CADM2: variants seen among roughly 807,000 people sequenced by gnomAD.
CADM2 encodes the protein immunoglobulin superfamily member 4D.
A neutral mutation model predicts 49.8 loss-of-function variants in CADM2; 12 were observed. The observed-to-expected ratio is 0.24, with a 90% CI of 0.15 to 0.39. The LOEUF (loss-of-function observed/expected upper bound fraction) is 0.39. CADM2 is among the 10% of genes least tolerant of loss of function. CADM2 has a pLI of 1.00. For missense variants in CADM2, 378 were observed against 492.3 expected, an observed-to-expected ratio of 0.77 and a Z score of 2.20; for synonymous variants, 214 against 175.4, an observed-to-expected ratio of 1.22 and a Z score of -1.74.
chr3:85,095,425 T>C (rs182983952), intron 1 of CADM2, among the ~76,000 whole-genome samples: 14 of 152,290 alleles, frequency 9.2e-5, no homozygotes, highest in African/African-American at 3.4e-4. Context: ...AAAGAAACTA[T>C]GAAACATTCT....
At chr3:85,466,487 G>A (rs926530530) in intron 1 of CADM2, among the ~76,000 whole-genome samples, 26 of 152,256 alleles carry the variant, frequency 1.7e-4, no homozygotes, top group African/African-American at 6.3e-4. Context: ...GGAAGAATAA[G>A]GTAGTTGCCA....
At chr3:85,095,524 A>T (rs981286084) in intron 1 of CADM2, among the ~76,000 whole-genome samples, 1 of 152,154 alleles carries the variant, frequency 6.6e-6, no homozygotes, top group Non-Finnish European at 1.5e-5. Flanking sequence ...ATCCTTAAAC[A>T]AATACTTATG....
intron 1 of CADM2, among the ~76,000 whole-genome samples, chr3:85,238,023 AC>A (rs2042445775): frequency 6.6e-6 from 1 of 151,908 alleles, no homozygotes; most frequent in Non-Finnish European, 1.5e-5. Context: ...AATAACACTT[AC>A]TTGGTAGTAT....
intron 3 of CADM2, among the ~76,000 whole-genome samples, chr3:85,869,951 G>A (rs541079904): frequency 9.9e-5 from 15 of 152,230 alleles, no homozygotes; most frequent in East Asian, 3.9e-4. Context: ...GTGAGCCACC[G>A]CGCCCTGCCC....
intron 1 of CADM2, among the ~76,000 whole-genome samples, chr3:85,473,392 G>A (rs2038849544): frequency 6.6e-6 from 1 of 151,992 alleles, no homozygotes; most frequent in Non-Finnish European, 1.5e-5. Flanking sequence ...TGAGCTTGCA[G>A]CCCTGCTCTG....
intron 1 of CADM2, among the ~76,000 whole-genome samples, chr3:85,307,134 A>C (rs1434055123): frequency 6.6e-6 from 1 of 151,568 alleles, no homozygotes; most frequent in Non-Finnish European, 1.5e-5. Context: ...AAATACTTCA[A>C]ATGTATATAT....
chr3:85,541,775 T>TATATATATATATATATATATATATATA lies in CADM2; in HGVS notation c.62-184747_62-184746insATATATATATATATATATATATATATA, dbSNP rs1559897737. ...ATATTTTATATATATATTTTATATT[T>TATATATATATATATATATATATATATA]TATATATATATATATATATGTATAG... On this transcript the variant is annotated intron_variant, in intron 1 of 9. Transcript: ENST00000383699. Among the ~76,000 whole-genome samples the TATATATATATATATATATATATATATA allele has an allele frequency of 2.6e-3, 233 of 88,208 alleles. 6 individuals are homozygous for TATATATATATATATATATATATATATA. Among genetic ancestry groups the TATATATATATATATATATATATATATA allele is most frequent in the East Asian group, 0.011 (9 of 808 alleles). 57.9% of individuals were successfully genotyped at this position (88,208 alleles called of 152,430 possible).
rs112498695 is a variant in CADM2, at chr3:85,606,142, A to G, written c.62-120380A>G. Reference sequence around the variant, plus strand: ...ATAGACATTAACCTTTCTTCTTGGAACAACCTTTTTTATTATTATTAATCC... The same window carrying G: ...ATAGACATTAACCTTTCTTCTTGGAGCAACCTTTTTTATTATTATTAATCC... On this transcript the variant is annotated intron_variant, in intron 1 of 9. Coordinates refer to ENST00000383699, the MANE Select transcript of CADM2 (RefSeq NM_001167675.2). Among the ~76,000 whole-genome samples the G allele has an allele frequency of 3.9e-3, 594 of 152,242 alleles. 3 individuals carry two copies. The highest frequency in any genetic ancestry group is 0.013 in the African/African-American group (532 of 41,562).
chr3:85,188,862 T>G (rs2041131662), intron 1 of CADM2, among the ~76,000 whole-genome samples: 1 of 151,670 alleles, frequency 6.6e-6, no homozygotes, highest in South Asian at 2.1e-4. Flanking sequence ...AAACCCCGTC[T>G]CTACTAAAAA....
intron 1 of CADM2, among the ~76,000 whole-genome samples, chr3:85,557,843 T>C (rs926889507): frequency 6.6e-6 from 1 of 152,026 alleles, no homozygotes; most frequent in Non-Finnish European, 1.5e-5. Context: ...CCACAAGACT[T>C]GATCCTTCAT....
At chr3:85,065,720 C>A (rs2036505209) in intron 1 of CADM2, among the ~76,000 whole-genome samples, 1 of 152,036 alleles carries the variant, frequency 6.6e-6, no homozygotes, top group Admixed American at 6.6e-5. Context: ...TAACCTGGGC[C>A]ATATAATGTT....
At chr3:85,525,143 C>T (rs1001146743) in intron 1 of CADM2, among the ~76,000 whole-genome samples, 4 of 151,986 alleles carry the variant, frequency 2.6e-5, no homozygotes, top group Admixed American at 6.6e-5. Context: ...TATCCCAGAG[C>T]TTAAAGTATA....
At chr3:86,057,319 A>C (rs1049431637) in intron 8 of CADM2, among the ~76,000 whole-genome samples, 3 of 152,132 alleles carry the variant, frequency 2.0e-5, no homozygotes, top group Non-Finnish European at 1.5e-5. Flanking sequence ...TGGGCCCTTA[A>C]GTATATGGAA....
chr3:85,791,831 C>G (rs1460375998), intron 2 of CADM2, among the ~76,000 whole-genome samples: 1 of 152,114 alleles, frequency 6.6e-6, no homozygotes, highest in East Asian at 1.9e-4. Context: ...TCACGCCATT[C>G]TCCTGCCTCA....
intron 1 of CADM2, among the ~76,000 whole-genome samples, chr3:85,619,731 C>T (rs1158289620): frequency 6.6e-6 from 1 of 152,146 alleles, no homozygotes; most frequent in Non-Finnish European, 1.5e-5. Flanking sequence ...CAAGAGGAGA[C>T]TCTTAAAATT....
chr3:85,947,113 A>T (rs1722816661), intron 7 of CADM2, among the ~76,000 whole-genome samples: 1 of 151,904 alleles, frequency 6.6e-6, no homozygotes, highest in South Asian at 2.1e-4. Context: ...AAAACAAACA[A>T]CCCCATCAAC....
rs1244888993 is a variant in CADM2, at chr3:85,347,560, CAT to C, written c.62-378954_62-378953del. Among the ~76,000 whole-genome samples, 74 of 141,526 alleles carry C rather than the reference CAT, an allele frequency of 5.2e-4. 1 individual carries two copies. The highest frequency in any genetic ancestry group is 8.3e-4 in the Non-Finnish European group (55 of 66,270). The allele number at this position is 141,526 out of a possible 152,430, so 92.8% of individuals were successfully genotyped here. A position where few individuals can be genotyped will look rare whatever the true frequency, so the allele number is the denominator to read the frequency against. On this transcript the variant is annotated intron_variant, in intron 1 of 9. Transcript: ENST00000383699. ...ACACATATATAAATATATATACACACATATATATAAATATATATACATATATA... is the reference window on the plus strand; with the variant it reads ...ACACATATATAAATATATATACACACATATATAAATATATATACATATATA...
chr3:85,719,811 A>G (rs1473396461), intron 1 of CADM2, among the ~76,000 whole-genome samples: 2 of 152,174 alleles, frequency 1.3e-5, no homozygotes, highest in African/African-American at 2.4e-5. Context: ...AATATTTAAA[A>G]CATGTTAACA....
At position 85,178,249 on chromosome 3, in the gene CADM2, G is replaced by A. The variant is rs1024840445; in HGVS notation, c.61+218581G>A. On this transcript the variant is annotated intron_variant, in intron 1 of 9. Coordinates refer to ENST00000383699, the MANE Select transcript of CADM2 (RefSeq NM_001167675.2). ...CAAATTAAAATTATTTGCCTAGGCA[G>A]CCCAAAGAAATATGATCTACAGAAT... Among the ~76,000 whole-genome samples, 3 of 151,778 alleles carry A rather than the reference G, an allele frequency of 2.0e-5. No individual in the cohort carries two copies. In the East Asian group the frequency reaches 5.8e-4, roughly 29 times the overall value.
Sources: allele counts gnomAD v4.1 joint callset (sites outside exome capture counted in the v4.1 genomes callset), GRCh38; gene constraint gnomAD v4.1.1; transcripts MANE v1.5; gene names NCBI Gene and HGNC (gene_info 2026-07-23, HGNC 2026-07-21).